PRH1: variants seen among roughly 807,000 people sequenced by gnomAD.
PRH1 encodes the protein salivary acidic proline-rich phosphoprotein 1/2.
Under a neutral mutation model 7.9 loss-of-function variants are expected in PRH1, and 7 were observed. That is an observed-to-expected ratio of 0.89 (90% CI 0.50 to 1.67). PRH1 has a LOEUF of 1.67. PRH1 is among the 40% of genes most tolerant of loss of function. The pLI is 0.00. For synonymous variants in PRH1, 45 were observed against 80.8 expected, an observed-to-expected ratio of 0.56 and a Z score of 2.38; for missense variants, 109 against 223.6, an observed-to-expected ratio of 0.49 and a Z score of 3.27.
At chr12:11,027,549 T>C (rs1170540357) in intron 1 of PRH1, among the ~76,000 whole-genome samples, 1 of 152,254 alleles carries the variant, frequency 6.6e-6, no homozygotes, top group African/African-American at 2.4e-5. Flanking sequence ...TGGGGGCCTA[T>C]TGGGATTTTG....
chr12:10,885,710 A>G (rs1003034742), upstream of PRH1, among the ~76,000 whole-genome samples: 1 of 152,218 alleles, frequency 6.6e-6, no homozygotes, highest in Non-Finnish European at 1.5e-5. Flanking sequence ...CACCAGCTGC[A>G]CTTTCCATTT....
intron 2 of PRH1, among the ~76,000 whole-genome samples, chr12:10,898,055 C>T (rs984735595): frequency 6.6e-6 from 1 of 152,082 alleles, no homozygotes; most frequent in Non-Finnish European, 1.5e-5. Context: ...CTCTTCTATC[C>T]CAAATAAAGG....
intron 1 of PRH1, among the ~76,000 whole-genome samples, chr12:11,109,947 G>A (rs776320631): frequency 1.3e-5 from 2 of 152,048 alleles, no homozygotes; most frequent in African/African-American, 2.4e-5. Context: ...ATTGCTACCT[G>A]GAATAACCAG....
intron 2 of PRH1, among the ~76,000 whole-genome samples, chr12:10,944,929 G>A (rs1462693462): frequency 6.6e-6 from 1 of 152,122 alleles, no homozygotes; most frequent in Non-Finnish European, 1.5e-5. Flanking sequence ...TGGTGGATTA[G>A]CTTTTTGATG....
chr12:10,959,063 G>A (rs1228743139), intron 2 of PRH1, among the ~76,000 whole-genome samples: 1 of 152,184 alleles, frequency 6.6e-6, no homozygotes, highest in African/African-American at 2.4e-5. Context: ...GTATGGCAGA[G>A]TGATGACAAG....
intron 2 of PRH1, chr12:10,973,470 C>T (rs1691167534): frequency 2.2e-6 from 1 of 450,554 alleles, no homozygotes; most frequent in East Asian, 3.3e-5. Flanking sequence ...TTTACAACTA[C>T]TATCAGCCTT....
intron 1 of PRH1, among the ~76,000 whole-genome samples, chr12:11,022,921 T>C (rs1941734409): frequency 6.6e-6 from 1 of 152,222 alleles, no homozygotes; most frequent in Non-Finnish European, 1.5e-5. Context: ...TTCATTGTTT[T>C]GCAATTTTTT....
intron 1 of PRH1, chr12:11,133,273 G>T: frequency 6.3e-7 from 1 of 1,590,148 alleles, no homozygotes; most frequent in Non-Finnish European, 8.5e-7. Flanking sequence ...TACACCACCA[G>T]TTTGTTTTCT....
chr12:10,945,795 C>G (rs1394353931), intron 2 of PRH1, among the ~76,000 whole-genome samples: 2 of 152,160 alleles, frequency 1.3e-5, no homozygotes, highest in African/African-American at 2.4e-5. Context: ...CTGTAAAAGA[C>G]AGCCGTCCCC....
intron 2 of PRH1, among the ~76,000 whole-genome samples, chr12:10,925,050 G>T (rs552676110): frequency 1.3e-5 from 2 of 152,218 alleles, no homozygotes; most frequent in South Asian, 4.1e-4. Context: ...GCTAGCTTTT[G>T]AATGTGTTGG....
At chr12:10,994,207 A>G (rs1019542983) in intron 1 of PRH1, among the ~76,000 whole-genome samples, 8 of 152,120 alleles carry the variant, frequency 5.3e-5, no homozygotes, top group Admixed American at 5.2e-4. Flanking sequence ...TCCATTTGGG[A>G]CTTGAATGGA....
chr12:10,931,034 G>A, intron 2 of PRH1: 1 of 1,591,650 alleles, frequency 6.3e-7, no homozygotes, highest in Non-Finnish European at 8.5e-7. Context: ...CGCCCACAAG[G>A]ACCTCCACAG....
At position 10,899,015 on chromosome 12, in the gene PRH1, C is replaced by T. The variant is rs541017628; in HGVS notation, c.-58-14740G>A. On this transcript the variant is annotated intron_variant, in intron 2 of 3. Coordinates refer to the PRH1 transcript ENST00000539853. ...ATTATTTTAGAACGTTAATATTTAA[C>T]GCCTGCCCTGCTGTGTTTTGTACTT... 1.9e-4 allele frequency among the ~76,000 whole-genome samples: 29 copies of T among 152,348 alleles called. 1 individual carries two copies. Among genetic ancestry groups the T allele is most frequent in the African/African-American group, 6.3e-4 (26 of 41,582 alleles).
intron 2 of PRH1, chr12:10,938,396 G>A (rs1381973005): frequency 1.2e-6 from 2 of 1,613,942 alleles, no homozygotes; most frequent in Non-Finnish European, 1.7e-6. Context: ...TGAAGGATAA[G>A]CCATTCCCAT....
chr12:11,107,549 C>T (rs1041444295), intron 1 of PRH1, among the ~76,000 whole-genome samples: 3 of 152,128 alleles, frequency 2.0e-5, no homozygotes, highest in African/African-American at 7.2e-5. Flanking sequence ...AAAACTACTC[C>T]TAAAATGTGT....
chr12:11,030,788 C>T (rs74417561), intron 1 of PRH1: 9 of 1,565,542 alleles, frequency 5.7e-6, no homozygotes, highest in Non-Finnish European at 7.8e-6. Context: ...CACTAAGTTT[C>T]CTAGCGTGGT....
intron 2 of PRH1, among the ~76,000 whole-genome samples, chr12:10,924,586 C>T (rs1430318398): frequency 2.6e-5 from 4 of 152,212 alleles, no homozygotes; most frequent in Admixed American, 2.6e-4. Flanking sequence ...GTACCAGCTC[C>T]TCCTTGTAAC....
At chr12:11,158,229 T>A (rs191843895) in intron 1 of PRH1, among the ~76,000 whole-genome samples, 1 of 152,266 alleles carries the variant, frequency 6.6e-6, no homozygotes, top group Admixed American at 6.5e-5. Flanking sequence ...GCAAGCAAAA[T>A]TCTCTTAACT....
intron 1 of PRH1, among the ~76,000 whole-genome samples, chr12:11,064,849 C>G (rs899976476): frequency 4.6e-5 from 7 of 151,944 alleles, no homozygotes; most frequent in Non-Finnish European, 7.4e-5. Context: ...CAGGAACACC[C>G]AGGAGTTCAA....
Sources: gnomAD v4.1 joint callset for allele counts (sites outside exome capture counted in the v4.1 genomes callset) on GRCh38, gnomAD v4.1.1 for gene constraint, MANE v1.5 for transcripts, NCBI Gene and HGNC (gene_info 2026-07-23, HGNC 2026-07-21) for gene names.